Variants in PIK3C2A observed in about 807,000 individuals in gnomAD.
The protein encoded by PIK3C2A is phosphatidylinositol-4-phosphate 3-kinase catalytic subunit type 2 alpha.
PIK3C2A carries 97 observed loss-of-function variants against 204.5 expected under a neutral mutation model. The observed-to-expected ratio is 0.47, with a 90% CI of 0.40 to 0.56. PIK3C2A has a LOEUF of 0.56. Ranked by LOEUF, PIK3C2A falls within the 20% of genes least tolerant of loss-of-function variation. The pLI is 0.00. For missense variants in PIK3C2A, 1,735 were observed against 1,969.2 expected (o/e 0.88, Z 2.25); for synonymous variants, 653 against 664.4 (o/e 0.98, Z 0.26).
At chr11:17,179,573 GAA>G (rs1851464113) in intron 1 of PIK3C2A, among the ~76,000 whole-genome samples, 1 of 152,134 alleles carries the variant, frequency 6.6e-6, no homozygotes, top group African/African-American at 2.4e-5. Context: ...ATTTTAGAGA[GAA>G]ATGTGTTCAC....
At position 17,169,488 on chromosome 11, in the gene PIK3C2A, T is replaced by C. The variant is rs368452358; in HGVS notation, c.254A>G (p.Lys85Arg). 52 of 1,613,928 alleles carry C rather than the reference T, an allele frequency of 3.2e-5. No individual in the cohort carries two copies. The African/African-American group carries it at 6.7e-4, about 21-fold the overall frequency. ...TTCTACATCAATATCTAATGCTCTT[T>C]TTTGGGAATCTGATTCAGGAAACAC... ...LMVFPESDSQ[K>R]RALDIDVEKL... is the part of the protein sequence containing the mutation. Residue 85 changes from lysine (K) to arginine (R), a missense_variant, in exon 2 of 33, where the codon AAA becomes AGA. Lys to Arg is a conservative substitution (Grantham distance 26). This residue lies in a region of PIK3C2A where 536 missense variants were observed against 546.7 expected (regional missense o/e 0.98). Coordinates refer to ENST00000691414, the MANE Select transcript of PIK3C2A (RefSeq NM_002645.4).
In PIK3C2A at chr11:17,101,262, T is replaced by A. The variant is rs374210645; in HGVS notation, c.4008+16A>T. On this transcript the variant is annotated intron_variant, in intron 25 of 32. Transcript: ENST00000691414. Reference sequence around the variant, plus strand: ...ATTAATATAAAACTAATTAAGTGCTTATAAAGAATAGTTACCAGTGAAAGG... The same window carrying A: ...ATTAATATAAAACTAATTAAGTGCTAATAAAGAATAGTTACCAGTGAAAGG... 2.7e-5 allele frequency: 38 copies of A among 1,415,906 alleles called. No individual in the cohort carries two copies. In the African/African-American group the frequency reaches 5.0e-4, roughly 18 times the overall value. 87.7% of individuals were successfully genotyped at this position (1,415,906 alleles called of 1,614,324 possible). A position where few individuals can be genotyped will look rare whatever the true frequency, so the allele number is the denominator to read the frequency against.
chr11:17,175,335 C>T (rs1459411212), intron 1 of PIK3C2A, among the ~76,000 whole-genome samples: 2 of 152,110 alleles, frequency 1.3e-5, no homozygotes, highest in Non-Finnish European at 2.9e-5. Context: ...AGCTAAGTTA[C>T]CATATTTAAG....
At chr11:17,170,777 T>C (rs570608682) in intron 1 of PIK3C2A, among the ~76,000 whole-genome samples, 5 of 152,200 alleles carry the variant, frequency 3.3e-5, no homozygotes, top group South Asian at 2.1e-4. Flanking sequence ...GGGTTAAATA[T>C]GGATTCTGGA....
intron 1 of PIK3C2A, among the ~76,000 whole-genome samples, chr11:17,186,782 A>C (rs1443858225): frequency 6.6e-6 from 1 of 152,208 alleles, no homozygotes; most frequent in Non-Finnish European, 1.5e-5. Context: ...GGGGATAGAA[A>C]TACTGGCCTT....
chr11:17,098,140 GA>G (rs1403846976), intron 26 of PIK3C2A, among the ~76,000 whole-genome samples: 1 of 151,864 alleles, frequency 6.6e-6, no homozygotes, highest in Non-Finnish European at 1.5e-5. Flanking sequence ...AAGCTAGAAA[GA>G]AGAAGGATAT....
rs546565785 is a variant in PIK3C2A, at chr11:17,138,302, G to A, written c.1705-1677C>T. On this transcript the variant is annotated intron_variant, in intron 8 of 32. Coordinates refer to ENST00000691414, the MANE Select transcript of PIK3C2A (RefSeq NM_002645.4). ...CTATGAGGATATGCCAAATGCCCCG[G>A]AAGACGAAAAACAGCCAGCTTCCTT... 112 of 600,868 alleles carry A rather than the reference G, an allele frequency of 1.9e-4. No homozygotes were observed. In the African/African-American group the frequency reaches 2.0e-3, roughly 11 times the overall value. 37.2% of individuals were successfully genotyped at this position (600,868 alleles called of 1,614,324 possible).
intron 1 of PIK3C2A, among the ~76,000 whole-genome samples, chr11:17,180,500 AAACAAC>A (rs202239069): frequency 0.014 from 2,038 of 150,274 alleles, 54 homozygotes; most frequent in African/African-American, 0.047. Flanking sequence ...CTAGAAAACA[AAACAAC>A]AACAACAACA....
rs1848675036 is a variant in PIK3C2A, at chr11:17,102,600, C to A, written c.3851+62G>T. 2.2e-6 allele frequency: 3 copies of A among 1,388,562 alleles called. No homozygotes were observed. In the Admixed American group the frequency reaches 6.4e-5, roughly 30 times the overall value. The allele number at this position is 1,388,562 out of a possible 1,614,324, so 86.0% of individuals were successfully genotyped here. On this transcript the variant is annotated intron_variant, in intron 24 of 32. Coordinates refer to ENST00000691414, the MANE Select transcript of PIK3C2A (RefSeq NM_002645.4). The stretch of plus-strand genomic sequence containing the variant: ...GCGAGGCAAAACACAAAGCTTGAGA[C>A]AAACTTTAATTTGTGAAACAGGAAG...
At chr11:17,183,924 G>GT (rs1458582424) in intron 1 of PIK3C2A, among the ~76,000 whole-genome samples, 2 of 148,460 alleles carry the variant, frequency 1.3e-5, no homozygotes, top group Non-Finnish European at 3.0e-5. Flanking sequence ...GAGCAACATA[G>GT]TGAGAACCCT....
intron 5 of PIK3C2A, 114 bp downstream of exon 5, chr11:17,148,553 A>G (rs376630173): frequency 2.4e-6 from 2 of 845,036 alleles, no homozygotes; most frequent in South Asian, 1.8e-5. Context: ...CAATAAATCA[A>G]TTCAATAGGA....
At chr11:17,187,522 C>A (rs1322829640) in intron 1 of PIK3C2A, among the ~76,000 whole-genome samples, 1 of 152,124 alleles carries the variant, frequency 6.6e-6, no homozygotes, top group Non-Finnish European at 1.5e-5. Flanking sequence ...AAACCCTGCA[C>A]CCATTAGCAG....
chr11:17,164,745 C>T (rs372846292), intron 2 of PIK3C2A, among the ~76,000 whole-genome samples: 8 of 152,284 alleles, frequency 5.3e-5, no homozygotes, highest in African/African-American at 1.9e-4. Flanking sequence ...TCCTGTTTGG[C>T]AGCCTAGTTA....
rs1848481288 is a variant in PIK3C2A at position 17,097,219 on chromosome 11, GA to G, written c.4163del (p.Phe1388SerfsTer58). 2 of 1,613,844 alleles carry G rather than the reference GA, an allele frequency of 1.2e-6. No homozygotes were observed. The highest frequency in any genetic ancestry group is 1.7e-6 in the Non-Finnish European group (2 of 1,179,810). On this transcript the variant is annotated frameshift_variant, in exon 27 of 33. Coordinates refer to ENST00000691414, the MANE Select transcript of PIK3C2A (RefSeq NM_002645.4). LOFTEE classifies it high-confidence loss of function. ...SLGSIATKFNFFIHNLAQLRF... is the reference protein window; with the variant it reads ...SLGSIATKFNXFIHNLAQLRF... ...GAAGCTGAGCAAGGTTGTGAATGAA[GA>G]AGTTAAACTTTGTGGCAATGCTTCC...
At chr11:17,091,228 A>G in intron 32 of PIK3C2A, 106 bp downstream of exon 32, 1 of 937,162 alleles carries the variant, frequency 1.1e-6, no homozygotes, top group Non-Finnish European at 1.6e-6. Flanking sequence ...TGGTACGTTT[A>G]GCTATGTAAC....
chr11:17,190,571 T>C (rs1851905944), intron 1 of PIK3C2A, among the ~76,000 whole-genome samples: 1 of 98,604 alleles, frequency 1.0e-5, no homozygotes, highest in African/African-American at 4.1e-5. Flanking sequence ...CAAGACTCTG[T>C]CTCAAAAAAA....
At chr11:17,101,824 C>T (rs755954329) in intron 24 of PIK3C2A, among the ~76,000 whole-genome samples, 184 of 151,790 alleles carry the variant, frequency 1.2e-3, no homozygotes, top group Middle Eastern at 3.4e-3. Flanking sequence ...AGGATGGTCT[C>T]GATCTCCTGA....
Position 17,112,646 on chromosome 11 carries a change from A to G in PIK3C2A, c.3342T>C (p.Ser1114=). 6.6e-7 allele frequency: 1 copy of G among 1,522,684 alleles called. No homozygotes were observed. Among genetic ancestry groups the G allele is most frequent in the Non-Finnish European group, 8.9e-7 (1 of 1,127,760 alleles). 94.3% of individuals were successfully genotyped at this position (1,522,684 alleles called of 1,614,324 possible). A position where few individuals can be genotyped will look rare whatever the true frequency, so the allele number is the denominator to read the frequency against. Residue 1114 remains serine (S), a synonymous_variant, in exon 21 of 33, where the codon TCT becomes TCC. Transcript: ENST00000691414. ...TTGTGACTTTTAGGGGGACAGCATT[A>G]GAACTGAAGAAGGAACACGACTGCA... The part of the protein sequence containing the change: ...LNIKSCSFFS[S]NAVPLKVTMV...
chr11:17,167,286 C>G (rs1850995423), intron 2 of PIK3C2A, among the ~76,000 whole-genome samples: 1 of 152,136 alleles, frequency 6.6e-6, no homozygotes, highest in Non-Finnish European at 1.5e-5. Context: ...CTTCTTAACA[C>G]CGATTTCTCT....
Sources: allele counts gnomAD v4.1 joint callset (sites outside exome capture counted in the v4.1 genomes callset), GRCh38; gene constraint gnomAD v4.1.1; regional missense constraint gnomAD v4.1.1; transcripts MANE v1.5; gene names NCBI Gene and HGNC (gene_info 2026-07-23, HGNC 2026-07-21).